ROCK2: variants seen among roughly 807,000 people sequenced by gnomAD.
ROCK2 encodes the protein rho-associated protein kinase 2.
ROCK2 carries 61 observed loss-of-function variants against 195.1 expected under a neutral mutation model. The observed-to-expected ratio is 0.31, with a 90% CI of 0.25 to 0.39. The LOEUF is 0.39. Ranked by LOEUF, ROCK2 falls within the 10% of genes least tolerant of loss-of-function variation. The probability of loss-of-function intolerance (pLI) is 1.00; values close to 1 mark genes in which losing one functional copy is unlikely to be tolerated. For synonymous variants in ROCK2, 504 were observed against 545.5 expected (o/e 0.92, Z 1.06); for missense variants, 1,109 against 1,637.4 (o/e 0.68, Z 5.57).
At chr2:11,223,928 A>G (rs1489063430) in intron 7 of ROCK2, among the ~76,000 whole-genome samples, 2 of 152,194 alleles carry the variant, frequency 1.3e-5, no homozygotes, top group Admixed American at 1.3e-4. Flanking sequence ...GTCTAACACA[A>G]ATAGTTTTTA....
intron 1 of ROCK2, among the ~76,000 whole-genome samples, chr2:11,313,254 G>C (rs747332644): frequency 6.6e-6 from 1 of 151,992 alleles, no homozygotes; most frequent in Non-Finnish European, 1.5e-5. Flanking sequence ...TGTACCATCT[G>C]CTTAATTTTC....
intron 1 of ROCK2, among the ~76,000 whole-genome samples, chr2:11,304,138 G>GAT (rs1667786257): frequency 6.6e-6 from 1 of 152,072 alleles, no homozygotes; most frequent in African/African-American, 2.4e-5. Context: ...AATATGTGCT[G>GAT]ATGGCTCCTA....
At chr2:11,275,715 T>C (rs1666801420) in intron 3 of ROCK2, among the ~76,000 whole-genome samples, 1 of 150,786 alleles carries the variant, frequency 6.6e-6, no homozygotes, top group Non-Finnish European at 1.5e-5. Context: ...TTTTTTTTTT[T>C]TTGAGACAAA....
chr2:11,213,430 C>A (rs1210937312), intron 17 of ROCK2, among the ~76,000 whole-genome samples: 1 of 151,964 alleles, frequency 6.6e-6, no homozygotes, highest in African/African-American at 2.4e-5. Flanking sequence ...TACATAACAA[C>A]CACATTGTGA....
At chr2:11,230,553 C>T (rs1165094900) in intron 5 of ROCK2, among the ~76,000 whole-genome samples, 1 of 151,818 alleles carries the variant, frequency 6.6e-6, no homozygotes, top group African/African-American at 2.4e-5. Flanking sequence ...GGCAGGGGGT[C>T]GTATCAGAAG....
At chr2:11,270,512 T>C (rs191772605) in intron 3 of ROCK2, among the ~76,000 whole-genome samples, 65 of 152,330 alleles carry the variant, frequency 4.3e-4, no homozygotes, top group African/African-American at 1.4e-3. Context: ...AGTGGTTCCA[T>C]GGTTCTGTGA....
chr2:11,249,776 T>C lies in ROCK2; in HGVS notation c.347A>G (p.Lys116Arg). The stretch of plus-strand genomic sequence containing the variant: ...ACTAAGAAGCTTCATAGCATAAACC[T>C]TCTGCGATGCCTTGTGACGAACCTG... Reference protein sequence around the residue: ...VQLVRHKASQKVYAMKLLSKF... With the variant: ...VQLVRHKASQRVYAMKLLSKF... The change falls in exon 4 of 33, where the codon AAG (lysine) becomes AGG (arginine). Residue 116 changes from lysine (K) to arginine (R), a missense_variant. Physicochemically the swap from Lys to Arg is conservative, Grantham distance 26 (BLOSUM62 2). Coordinates refer to ENST00000315872, the MANE Select transcript of ROCK2 (RefSeq NM_004850.5). 4.5e-6 allele frequency: 7 copies of C among 1,550,294 alleles called. No individual in the cohort carries two copies. The highest frequency in any genetic ancestry group is 6.1e-6 in the Non-Finnish European group (7 of 1,155,540).
At chr2:11,310,396 A>T (rs1667995138) in intron 1 of ROCK2, among the ~76,000 whole-genome samples, 1 of 151,304 alleles carries the variant, frequency 6.6e-6, no homozygotes, top group Non-Finnish European at 1.5e-5. Flanking sequence ...TACAATTAAC[A>T]TGCCTAATCA....
chr2:11,228,062 GTCTTTTTGAC>G (rs1664876040), intron 5 of ROCK2, among the ~76,000 whole-genome samples: 1 of 152,164 alleles, frequency 6.6e-6, no homozygotes, highest in Non-Finnish European at 1.5e-5. Flanking sequence ...CCTCCCTGAT[GTCTTTTTGAC>G]AAGTAAAATA....
At chr2:11,250,485 AATGATT>A (rs1252793727) in intron 3 of ROCK2, among the ~76,000 whole-genome samples, 1 of 152,242 alleles carries the variant, frequency 6.6e-6, no homozygotes, top group Non-Finnish European at 1.5e-5. Flanking sequence ...ATATTTAATG[AATGATT>A]ATAACAGTTA....
intron 1 of ROCK2, among the ~76,000 whole-genome samples, chr2:11,331,046 G>A (rs1043965472): frequency 8.3e-5 from 12 of 144,490 alleles, no homozygotes; most frequent in Non-Finnish European, 9.2e-5. Context: ...GGAGGAGGGA[G>A]GAGGAGGAGG....
chr2:11,262,580 GTTA>G (rs1458781423), intron 3 of ROCK2, among the ~76,000 whole-genome samples: 1 of 152,072 alleles, frequency 6.6e-6, no homozygotes, highest in Non-Finnish European at 1.5e-5. Flanking sequence ...AGATCTAATG[GTTA>G]TTATAAGGGG....
intron 1 of ROCK2, among the ~76,000 whole-genome samples, chr2:11,298,373 G>A (rs1368478402): frequency 6.6e-6 from 1 of 151,398 alleles, no homozygotes; most frequent in East Asian, 1.9e-4. Context: ...GGGAGGCTGA[G>A]GCAGGAGCAT....
chr2:11,190,427 G>A (rs2148027415), intron 32 of ROCK2, among the ~76,000 whole-genome samples: 1 of 151,516 alleles, frequency 6.6e-6, no homozygotes, highest in Middle Eastern at 3.4e-3. Context: ...AGACCATAAT[G>A]CTGATTTGGA....
rs180775805 is a variant in ROCK2 at position 11,188,759 on chromosome 2, G to A, written c.4163+3389C>T. ...CTGCCTCAGCCTCCCGAGTAGCTGG[G>A]ACTACAAGTGCCTGCCACCACGCCC... On this transcript the variant is annotated intron_variant, in intron 32 of 32. Transcript: ENST00000315872. 3.0e-3 allele frequency among the ~76,000 whole-genome samples: 457 copies of A among 151,798 alleles called. 2 individuals carry two copies. The highest frequency in any genetic ancestry group is 9.8e-3 in the African/African-American group (405 of 41,400).
At chr2:11,238,056 C>T (rs1410089453) in intron 4 of ROCK2, among the ~76,000 whole-genome samples, 2 of 152,030 alleles carry the variant, frequency 1.3e-5, no homozygotes, top group East Asian at 1.9e-4. Flanking sequence ...CCAGGCTGGG[C>T]GACAGAGTGA....
In ROCK2 at chr2:11,192,785, G is replaced by T. The variant is rs772907256; in HGVS notation, c.3688-73C>A. 205 of 1,453,192 alleles carry T rather than the reference G, an allele frequency of 1.4e-4. No individual in the cohort carries two copies. Among genetic ancestry groups the T allele is most frequent in the Non-Finnish European group, 1.8e-4 (194 of 1,084,666 alleles). 90.0% of individuals were successfully genotyped at this position (1,453,192 alleles called of 1,614,324 possible). ...TTTATGTAGGAACAATTCTGATAGT[G>T]TAAGTAAAATAAAATTAGCCTAAAT... On this transcript the variant is annotated intron_variant, in intron 30 of 32. Transcript: ENST00000315872. The surrounding 1 kb of genome is among the most constrained non-coding windows in gnomAD (Gnocchi z 5.0).
chr2:11,287,484 C>G (rs943899929), intron 2 of ROCK2, among the ~76,000 whole-genome samples, 171 bp downstream of exon 2: 2 of 152,028 alleles, frequency 1.3e-5, no homozygotes, highest in Non-Finnish European at 1.5e-5. Flanking sequence ...TCTGCAATTG[C>G]TTTAAAAATA....
intron 30 of ROCK2, 152 bp downstream of exon 30, chr2:11,193,627 C>T: frequency 2.4e-6 from 1 of 414,042 alleles, no homozygotes. Flanking sequence ...CACAAAGCAA[C>T]AAACCATCTT....
Sources: gnomAD v4.1 joint callset for allele counts (sites outside exome capture counted in the v4.1 genomes callset) on GRCh38, gnomAD v4.1.1 for gene constraint, Gnocchi (gnomAD v3.1) non-coding constraint, MANE v1.5 for transcripts, NCBI Gene and HGNC (gene_info 2026-07-23, HGNC 2026-07-21) for gene names.